DLGAP2: variants seen among roughly 807,000 people sequenced by gnomAD.
DLGAP2 encodes the protein DLG associated protein 2.
Under a neutral mutation model 100.3 loss-of-function variants are expected in DLGAP2, and 26 were observed. The ratio of observed to expected loss-of-function variants is 0.26; its 90% CI spans 0.19 to 0.36. The LOEUF is 0.36. DLGAP2 is among the 10% of genes least tolerant of loss of function. The pLI is 1.00. For missense variants in DLGAP2, 1,858 were observed against 1,453.2 expected (o/e 1.28, Z -4.53); for synonymous variants, 886 against 630.1 (o/e 1.41, Z -6.08).
At chr8:817,350 A>G (rs1414716730) in intron 1 of DLGAP2, among the ~76,000 whole-genome samples, 1 of 152,162 alleles carries the variant, frequency 6.6e-6, no homozygotes, top group Non-Finnish European at 1.5e-5. Context: ...ATTTCACTGA[A>G]GAAGGTTTCT....
intron 1 of DLGAP2, among the ~76,000 whole-genome samples, chr8:811,306 T>C (rs1002386108): frequency 6.6e-6 from 1 of 150,396 alleles, no homozygotes; most frequent in Admixed American, 6.6e-5. Context: ...CTGGGGGCCC[T>C]GCCAGGGCTC....
At chr8:1,231,829 G>T (rs1798541927) in intron 2 of DLGAP2, among the ~76,000 whole-genome samples, 1 of 152,138 alleles carries the variant, frequency 6.6e-6, no homozygotes, top group Non-Finnish European at 1.5e-5. Context: ...GCGGGAGGAA[G>T]TGTTGGAAAA....
intron 2 of DLGAP2, among the ~76,000 whole-genome samples, chr8:1,152,488 A>G (rs1233337655): frequency 6.6e-6 from 1 of 152,220 alleles, no homozygotes; most frequent in East Asian, 1.9e-4. Flanking sequence ...ATCTGGTCAT[A>G]GTGAAATAGG....
intron 4 of DLGAP2, among the ~76,000 whole-genome samples, chr8:1,534,930 G>A (rs1198302002): frequency 2.0e-5 from 3 of 152,260 alleles, no homozygotes; most frequent in Non-Finnish European, 4.4e-5. Context: ...AGATTGTGTT[G>A]AATGGATGAA....
At chr8:859,078 A>G (rs1797339679) in intron 1 of DLGAP2, among the ~76,000 whole-genome samples, 1 of 151,844 alleles carries the variant, frequency 6.6e-6, no homozygotes, top group South Asian at 2.1e-4. Flanking sequence ...ATTGTCACTA[A>G]AAACCTGAGA....
intron 1 of DLGAP2, among the ~76,000 whole-genome samples, chr8:883,831 C>G (rs1030603789): frequency 6.6e-6 from 1 of 152,210 alleles, no homozygotes; most frequent in Admixed American, 6.5e-5. Flanking sequence ...TGTTGTTCCC[C>G]TCTCTGTGTC....
chr8:999,061 T>A (rs531319014), intron 2 of DLGAP2, among the ~76,000 whole-genome samples: 3 of 152,326 alleles, frequency 2.0e-5, no homozygotes, highest in African/African-American at 7.2e-5. Context: ...CTCCATGCTG[T>A]GCCTATGTGA....
At chr8:1,091,259 A>G (rs1804171803) in intron 2 of DLGAP2, among the ~76,000 whole-genome samples, 1 of 152,198 alleles carries the variant, frequency 6.6e-6, no homozygotes, top group Admixed American at 6.5e-5. Context: ...TCCAGAGCGG[A>G]TACTCGAAGG....
chr8:1,172,281 G>A (rs917022990), intron 2 of DLGAP2, among the ~76,000 whole-genome samples: 1 of 152,080 alleles, frequency 6.6e-6, no homozygotes, highest in Non-Finnish European at 1.5e-5. Context: ...TTCCCTTTGT[G>A]GGTAACCCGA....
At chr8:1,051,921 A>G (rs943502265) in intron 2 of DLGAP2, among the ~76,000 whole-genome samples, 4 of 152,132 alleles carry the variant, frequency 2.6e-5, no homozygotes, top group Admixed American at 6.5e-5. Flanking sequence ...AGAGCAAATG[A>G]GCTTAAATGC....
chr8:1,470,504 C>T (rs557783351), intron 3 of DLGAP2, among the ~76,000 whole-genome samples: 3 of 152,182 alleles, frequency 2.0e-5, no homozygotes, highest in South Asian at 2.1e-4. Flanking sequence ...TTCACAGAAT[C>T]GTTTAAATAC....
In DLGAP2 at chr8:985,577, G is replaced by A. The variant is rs951147123; in HGVS notation, c.73+77611G>A. ...AAAGAGAATTTATTATGCTGTGAAGGAGAGTTGACCAATCAAATCATGTAG... is the reference window on the plus strand; with the variant it reads ...AAAGAGAATTTATTATGCTGTGAAGAAGAGTTGACCAATCAAATCATGTAG... On this transcript the variant is annotated intron_variant, in intron 2 of 14. Transcript: ENST00000637795. Among the ~76,000 whole-genome samples the A allele has an allele frequency of 4.5e-4, 68 of 152,202 alleles. 1 individual carries two copies. The highest frequency in any genetic ancestry group is 1.5e-5 in the Non-Finnish European group (1 of 68,032).
At chr8:951,002 TTTGA>T (rs768166228) in intron 2 of DLGAP2, among the ~76,000 whole-genome samples, 8 of 152,174 alleles carry the variant, frequency 5.3e-5, no homozygotes, top group East Asian at 1.9e-4. Flanking sequence ...CAGTAATCAC[TTTGA>T]TTATTTGGAT....
chr8:968,817 G>C (rs761660769), intron 2 of DLGAP2, among the ~76,000 whole-genome samples: 1 of 152,140 alleles, frequency 6.6e-6, no homozygotes, highest in African/African-American at 2.4e-5. Flanking sequence ...ATAATGAGTC[G>C]CAGTGGATCC....
intron 2 of DLGAP2, among the ~76,000 whole-genome samples, chr8:1,098,226 G>A (rs942982305): frequency 2.6e-5 from 4 of 152,186 alleles, no homozygotes; most frequent in Non-Finnish European, 4.4e-5. Flanking sequence ...AAACTCCTCC[G>A]CACACCAGTT....
chr8:804,796 C>G (rs1796236698), intron 1 of DLGAP2, among the ~76,000 whole-genome samples: 1 of 152,158 alleles, frequency 6.6e-6, no homozygotes, highest in African/African-American at 2.4e-5. Flanking sequence ...GACAGAGTCT[C>G]ACTTTGTCAC....
Position 872,276 on chromosome 8 carries a change from T to C in DLGAP2, c.19-35636T>C, listed in dbSNP as rs566988489. Among the ~76,000 whole-genome samples, 147 of 152,070 alleles carry C rather than the reference T, an allele frequency of 9.7e-4. 2 individuals are homozygous for C. The highest frequency in any genetic ancestry group is 3.5e-3 in the African/African-American group (145 of 41,542). Reference sequence around the variant, plus strand: ...GACAGATGAAAAGATGCTGCACTTATATTTAATGACAGCTAAAGTTCCTTT... The same window carrying C: ...GACAGATGAAAAGATGCTGCACTTACATTTAATGACAGCTAAAGTTCCTTT... On this transcript the variant is annotated intron_variant, in intron 1 of 14. Transcript: ENST00000637795.
At chr8:1,296,846 C>T (rs1410741293) in intron 3 of DLGAP2, among the ~76,000 whole-genome samples, 4 of 152,320 alleles carry the variant, frequency 2.6e-5, no homozygotes, top group Non-Finnish European at 2.9e-5. Flanking sequence ...CAGGACAGTG[C>T]TGCGGAGGGG....
intron 2 of DLGAP2, among the ~76,000 whole-genome samples, chr8:1,105,635 T>C (rs1225296923): frequency 3.1e-5 from 4 of 130,004 alleles, no homozygotes; most frequent in African/African-American, 5.8e-5. Flanking sequence ...TTTTTTTTAC[T>C]GAAGGGAGCC....
Sources: gnomAD v4.1 joint callset for allele counts (sites outside exome capture counted in the v4.1 genomes callset) on GRCh38, gnomAD v4.1.1 for gene constraint, MANE v1.5 for transcripts, NCBI Gene and HGNC (gene_info 2026-07-23, HGNC 2026-07-21) for gene names.